ELMO1: variants seen among roughly 807,000 people sequenced by gnomAD.
The protein encoded by ELMO1 is engulfment and cell motility protein 1.
In ELMO1, 26 loss-of-function variants were observed where a neutral mutation model predicts 98.9. The observed-to-expected ratio is 0.26, with a 90% CI of 0.19 to 0.36. The LOEUF (loss-of-function observed/expected upper bound fraction) is 0.36. Among genes scored for constraint, ELMO1 ranks in the 10% least tolerant of loss-of-function variants. The probability of loss-of-function intolerance (pLI) is 1.00; values close to 1 mark genes in which losing one functional copy is unlikely to be tolerated. For missense variants in ELMO1, 627 were observed against 935.2 expected, an observed-to-expected ratio of 0.67 and a Z score of 4.30; for synonymous variants, 346 against 346.0, an observed-to-expected ratio of 1.00 and a Z score of 0.00.
intron 3 of ELMO1, 120 bp downstream of exon 3, chr7:37,315,800 G>T: frequency 3.4e-6 from 3 of 878,062 alleles, no homozygotes; most frequent in South Asian, 1.5e-5. Flanking sequence ...AATTCTTATT[G>T]ACTTTGAGCA....
chr7:37,210,838 T>C (rs1255838397), intron 13 of ELMO1, among the ~76,000 whole-genome samples: 1 of 151,868 alleles, frequency 6.6e-6, no homozygotes, highest in African/African-American at 2.4e-5. Context: ...ATGAAAACAA[T>C]GGATTATATT....
intron 13 of ELMO1, among the ~76,000 whole-genome samples, chr7:37,165,174 G>A (rs1789569327): frequency 6.6e-6 from 1 of 152,170 alleles, no homozygotes; most frequent in African/African-American, 2.4e-5. Flanking sequence ...TGTGATTTTT[G>A]CACATTGATT....
At chr7:37,324,887 T>C (rs1326750513) in intron 2 of ELMO1, among the ~76,000 whole-genome samples, 2 of 152,184 alleles carry the variant, frequency 1.3e-5, no homozygotes, top group Non-Finnish European at 2.9e-5. Context: ...ATCAATGACT[T>C]TAGAGGACTT....
intron 15 of ELMO1, among the ~76,000 whole-genome samples, chr7:37,034,734 T>C (rs1795083358): frequency 6.6e-6 from 1 of 152,198 alleles, no homozygotes. Flanking sequence ...TTTCAGTTTC[T>C]TTGATTTTGA....
chr7:37,105,135 AG>A, intron 14 of ELMO1, among the ~76,000 whole-genome samples: 1 of 152,244 alleles, frequency 6.6e-6, no homozygotes. Flanking sequence ...GTGCAACAAA[AG>A]CAGGACGCGC....
intron 16 of ELMO1, among the ~76,000 whole-genome samples, chr7:36,961,281 G>C (rs1372748972): frequency 1.3e-5 from 2 of 152,112 alleles, no homozygotes; most frequent in East Asian, 3.9e-4. Context: ...TGTGTACCCT[G>C]GGCCTGCCAT....
chr7:37,192,968 G>GATATATAT, intron 13 of ELMO1, among the ~76,000 whole-genome samples: 1 of 94,228 alleles, frequency 1.1e-5, no homozygotes, highest in South Asian at 4.1e-4. Flanking sequence ...ATATATATAG[G>GATATATAT]AGATATATAT....
chr7:37,213,180 T>A (rs553700891), intron 12 of ELMO1, among the ~76,000 whole-genome samples, 155 bp downstream of exon 12: 1 of 152,328 alleles, frequency 6.6e-6, no homozygotes, highest in African/African-American at 2.4e-5. Context: ...TAGATTCACC[T>A]AATTTTGAAG....
At chr7:37,196,227 T>C (rs1356306364) in intron 13 of ELMO1, among the ~76,000 whole-genome samples, 2 of 152,302 alleles carry the variant, frequency 1.3e-5, no homozygotes, top group East Asian at 3.9e-4. Flanking sequence ...ATGTTCCCTT[T>C]TCCTTAAATA....
intron 15 of ELMO1, among the ~76,000 whole-genome samples, chr7:37,016,811 G>A (rs894757457): frequency 3.3e-5 from 5 of 152,048 alleles, no homozygotes; most frequent in Admixed American, 6.6e-5. Context: ...AGAAAGGCTC[G>A]GTGACTTCTC....
intron 4 of ELMO1, among the ~76,000 whole-genome samples, chr7:37,281,526 A>G (rs1352298285): frequency 2.0e-5 from 3 of 152,182 alleles, no homozygotes; most frequent in African/African-American, 7.2e-5. Flanking sequence ...TGAGTCTTTA[A>G]TCTTTCATTT....
intron 2 of ELMO1, among the ~76,000 whole-genome samples, chr7:37,319,623 C>T (rs1017993305): frequency 1.2e-4 from 19 of 152,196 alleles, no homozygotes; most frequent in African/African-American, 4.6e-4. Context: ...ATCGTACCTT[C>T]CATCAGTTCC....
chr7:37,387,112 G>A (rs1802838029), intron 1 of ELMO1, among the ~76,000 whole-genome samples: 1 of 152,218 alleles, frequency 6.6e-6, no homozygotes, highest in Admixed American at 6.5e-5. Context: ...CCACAGAAAA[G>A]AAAGAACCAG....
intron 2 of ELMO1, among the ~76,000 whole-genome samples, chr7:37,324,230 G>A (rs1207240338): frequency 1.3e-5 from 2 of 152,170 alleles, no homozygotes; most frequent in Admixed American, 6.5e-5. Flanking sequence ...ACCTTGGAGA[G>A]CTCAAGTCTG....
chr7:37,344,306 G>A (rs1174085383), intron 1 of ELMO1, among the ~76,000 whole-genome samples: 2 of 151,992 alleles, frequency 1.3e-5, no homozygotes, highest in Non-Finnish European at 2.9e-5. Flanking sequence ...TGCTGGGATT[G>A]CAGGCGTGAG....
At chr7:37,236,094 ACT>A (rs1794445126) in intron 7 of ELMO1, among the ~76,000 whole-genome samples, 1 of 152,134 alleles carries the variant, frequency 6.6e-6, no homozygotes, top group South Asian at 2.1e-4. Context: ...AAGCAATATG[ACT>A]CTGCTCCCTA....
intron 14 of ELMO1, among the ~76,000 whole-genome samples, chr7:37,123,928 A>G (rs938368463): frequency 3.9e-5 from 6 of 152,146 alleles, no homozygotes; most frequent in Non-Finnish European, 8.8e-5. Context: ...ACATCAAAAA[A>G]CTTAGCCACC....
chr7:37,412,454 T>A (rs1272547918), intron 1 of ELMO1, among the ~76,000 whole-genome samples: 4 of 152,220 alleles, frequency 2.6e-5, no homozygotes, highest in African/African-American at 9.7e-5. Context: ...AATGACTAGT[T>A]TAACAGATGA....
chr7:36,860,849 C>T (rs933720757), intron 21 of ELMO1, among the ~76,000 whole-genome samples: 2 of 152,126 alleles, frequency 1.3e-5, no homozygotes, highest in Non-Finnish European at 2.9e-5. Flanking sequence ...CAATTTTATT[C>T]AAAAGCTTCA....
Sources: gnomAD v4.1 joint callset for allele counts (sites outside exome capture counted in the v4.1 genomes callset) on GRCh38, gnomAD v4.1.1 for gene constraint, MANE v1.5 for transcripts, NCBI Gene and HGNC (gene_info 2026-07-23, HGNC 2026-07-21) for gene names.